Variants in ZFAT observed in about 807,000 individuals in gnomAD.
The protein encoded by ZFAT is zinc finger and AT-hook domain containing.
A neutral mutation model predicts 117.7 loss-of-function variants in ZFAT; 64 were observed. The ratio of observed to expected loss-of-function variants is 0.54; its 90% confidence interval spans 0.44 to 0.67. The LOEUF is 0.67. ZFAT is among the 30% of genes least tolerant of loss of function. ZFAT has a pLI of 0.00. For synonymous variants in ZFAT, 679 were observed against 615.0 expected (o/e 1.10, Z -1.54); for missense variants, 1,433 against 1,584.5 (o/e 0.90, Z 1.62).
chr8:134,722,064 A>C, the ZFAT span, among the ~76,000 whole-genome samples: 12 of 152,252 alleles, frequency 7.9e-5, no homozygotes, highest in African/African-American at 2.7e-4. Flanking sequence ...GTGAGGCCAC[A>C]GGATCTGTCC....
At chr8:134,669,881 A>T (rs1341997490) in intron 1 of ZFAT, among the ~76,000 whole-genome samples, 1 of 152,228 alleles carries the variant, frequency 6.6e-6, no homozygotes, top group Non-Finnish European at 1.5e-5. Flanking sequence ...AGACACACAT[A>T]GGCTCAAAAT....
the ZFAT span, among the ~76,000 whole-genome samples, chr8:134,823,816 CTAATA>C: frequency 2.6e-5 from 4 of 152,284 alleles, no homozygotes; most frequent in East Asian, 1.9e-4. Context: ...CCATTAGAAT[CTAATA>C]TAATTTAAAA....
the ZFAT span, among the ~76,000 whole-genome samples, chr8:134,760,817 G>T: frequency 6.6e-6 from 1 of 152,156 alleles, no homozygotes; most frequent in Non-Finnish European, 1.5e-5. Context: ...GAACATACGA[G>T]AATTTTAAAT....
At chr8:134,711,678 T>C (rs1294211018) in intron 1 of ZFAT, among the ~76,000 whole-genome samples, 1 of 152,228 alleles carries the variant, frequency 6.6e-6, no homozygotes, top group African/African-American at 2.4e-5. Context: ...TCGGGTCTCC[T>C]GACCCAATAT....
the ZFAT span, among the ~76,000 whole-genome samples, chr8:134,721,997 C>T: frequency 6.6e-6 from 1 of 152,204 alleles, no homozygotes; most frequent in African/African-American, 2.4e-5. Context: ...TCATTCATTC[C>T]TTAAGCATTT....
chr8:134,662,861 A>T (rs1216218557), intron 1 of ZFAT, among the ~76,000 whole-genome samples: 1 of 152,246 alleles, frequency 6.6e-6, no homozygotes, highest in Non-Finnish European at 1.5e-5. Context: ...CTAGCCTGCA[A>T]GGCAGCCTCT....
chr8:134,622,357 T>C (rs1341470183), intron 3 of ZFAT, among the ~76,000 whole-genome samples: 1 of 152,080 alleles, frequency 6.6e-6, no homozygotes, highest in Admixed American at 6.5e-5. Flanking sequence ...AAAGACAGCA[T>C]TTGAAAAAGT....
At chr8:134,763,999 A>G in the ZFAT span, among the ~76,000 whole-genome samples, 1 of 152,228 alleles carries the variant, frequency 6.6e-6, no homozygotes, top group Non-Finnish European at 1.5e-5. Context: ...GCCTTGTTAT[A>G]CTGATCATGT....
chr8:134,760,504 C>T, the ZFAT span, among the ~76,000 whole-genome samples: 1 of 152,114 alleles, frequency 6.6e-6, no homozygotes, highest in African/African-American at 2.4e-5. Context: ...TCAGGAATCA[C>T]CCAGAAGACT....
intron 11 of ZFAT, among the ~76,000 whole-genome samples, chr8:134,554,272 T>C (rs560901954): frequency 7.2e-5 from 11 of 152,318 alleles, no homozygotes; most frequent in African/African-American, 2.6e-4. Flanking sequence ...GGGTGGAGTA[T>C]TCCTGCTCCC....
At position 134,608,848 on chromosome 8, in the gene ZFAT, C is replaced by T; in HGVS notation, c.666G>A (p.Gly222=). ...AATTTGTAGCTCCTGTTTCAGGGGGCCCAGCCTCCACTGGCACAATCTTGG... is the reference window on the plus strand; with the variant it reads ...AATTTGTAGCTCCTGTTTCAGGGGGTCCAGCCTCCACTGGCACAATCTTGG... The part of the protein sequence containing the change: ...GATKIVPVEA[G]PPETGATNSE... The change falls in exon 5 of 16, where the codon GGG becomes GGA. Residue 222 remains glycine, a synonymous_variant. Transcript: ENST00000377838. 6.2e-7 allele frequency: 1 copy of T among 1,609,546 alleles called. No homozygotes were observed. Among genetic ancestry groups the T allele is most frequent in the Non-Finnish European group, 8.5e-7 (1 of 1,178,400 alleles).
At chr8:134,705,631 C>T (rs577625059) in intron 1 of ZFAT, among the ~76,000 whole-genome samples, 13 of 151,504 alleles carry the variant, frequency 8.6e-5, no homozygotes, top group East Asian at 5.9e-4. Flanking sequence ...CAGGTTCAAG[C>T]GATTCTCATG....
chr8:134,657,490 A>G, intron 2 of ZFAT, 71 bp downstream of exon 2: 1 of 1,418,972 alleles, frequency 7.0e-7, no homozygotes, highest in Non-Finnish European at 9.5e-7. Flanking sequence ...GGCTTCTGCT[A>G]TGCCCACGGA....
At chr8:134,565,140 C>T (rs1824342087) in intron 11 of ZFAT, 193 bp downstream of exon 11, 1 of 1,525,342 alleles carries the variant, frequency 6.6e-7, no homozygotes, top group Non-Finnish European at 8.8e-7. Flanking sequence ...AATTACAGAG[C>T]AATGCTACGC....
At chr8:134,686,005 A>C (rs1164080474) in intron 1 of ZFAT, among the ~76,000 whole-genome samples, 2 of 152,094 alleles carry the variant, frequency 1.3e-5, no homozygotes, top group African/African-American at 4.8e-5. Context: ...CCAAACACAC[A>C]TCCTTGGCCC....
At chr8:134,481,280 C>T (rs934319573) in intron 15 of ZFAT, among the ~76,000 whole-genome samples, 2 of 152,138 alleles carry the variant, frequency 1.3e-5, no homozygotes, top group African/African-American at 2.4e-5. Flanking sequence ...AAATGCCACA[C>T]AAAGGAAAGG....
At chr8:134,687,245 T>A (rs565666018) in intron 1 of ZFAT, among the ~76,000 whole-genome samples, 2 of 152,146 alleles carry the variant, frequency 1.3e-5, no homozygotes, top group Non-Finnish European at 2.9e-5. Context: ...CCAACTCCCA[T>A]AGCTCACACA....
intron 3 of ZFAT, among the ~76,000 whole-genome samples, chr8:134,631,579 GTCCATT>G (rs759921298): frequency 1.3e-5 from 2 of 152,228 alleles, no homozygotes; most frequent in Non-Finnish European, 2.9e-5. Flanking sequence ...TACTGTGTGA[GTCCATT>G]TACACAGTGT....
intron 1 of ZFAT, among the ~76,000 whole-genome samples, chr8:134,704,558 G>GCA (rs1361516630): frequency 6.6e-6 from 1 of 152,110 alleles, no homozygotes; most frequent in East Asian, 1.9e-4. Flanking sequence ...TCTCCTGCCT[G>GCA]CACTTTTGTC....
Sources: allele counts gnomAD v4.1 joint callset (sites outside exome capture counted in the v4.1 genomes callset), GRCh38; gene constraint gnomAD v4.1.1; transcripts MANE v1.5; gene names NCBI Gene and HGNC (gene_info 2026-07-23, HGNC 2026-07-21).